The following PAWR variants were observed in gnomAD, a reference collection of about 807,000 sequenced individuals.
The protein encoded by PAWR is pro-apoptotic WT1 regulator.
PAWR carries 23 observed loss-of-function variants against 32.0 expected under a neutral mutation model. The ratio of observed to expected loss-of-function variants is 0.72; its 90% CI spans 0.52 to 1.02. The LOEUF is 1.02. PAWR is among the 50% of genes least tolerant of loss of function. PAWR has a pLI of 0.00. For synonymous variants in PAWR, 226 were observed against 187.1 expected (o/e 1.21, Z -1.70); for missense variants, 457 against 437.7 (o/e 1.04, Z -0.39).
chr12:79,625,494 G>GGAA (rs1233684687), intron 2 of PAWR, among the ~76,000 whole-genome samples: 4 of 152,036 alleles, frequency 2.6e-5, no homozygotes, highest in African/African-American at 9.7e-5. Flanking sequence ...AAGTAACAGA[G>GGAA]GAAGAATTAA....
intron 2 of PAWR, among the ~76,000 whole-genome samples, chr12:79,686,570 T>C (rs1490994479): frequency 1.3e-5 from 2 of 152,174 alleles, no homozygotes; most frequent in African/African-American, 2.4e-5. Context: ...CGGAATTGAA[T>C]TAGCATGAGC....
chr12:79,626,163 TAAAAA>T (rs565157190), intron 2 of PAWR, among the ~76,000 whole-genome samples: 12 of 82,130 alleles, frequency 1.5e-4, no homozygotes, highest in African/African-American at 3.9e-4. Flanking sequence ...GACTCCATCT[TAAAAA>T]AAAAAAAAAA....
At chr12:79,627,275 C>T (rs7953362) in intron 2 of PAWR, among the ~76,000 whole-genome samples, 29,428 of 151,294 alleles carry the variant, frequency 0.19, 7,433 homozygotes, top group African/African-American at 0.59. Context: ...TTTTAATGAT[C>T]GCCATTCTAA....
intron 2 of PAWR, among the ~76,000 whole-genome samples, chr12:79,638,660 C>A (rs1354479972): frequency 1.3e-5 from 2 of 151,112 alleles, no homozygotes; most frequent in Admixed American, 1.3e-4. Context: ...ATTGCAACAA[C>A]GGCAGTGGGT....
intron 4 of PAWR, among the ~76,000 whole-genome samples, chr12:79,608,551 T>C (rs1373642782): frequency 6.6e-6 from 1 of 152,150 alleles, no homozygotes; most frequent in East Asian, 1.9e-4. Flanking sequence ...CAGGTAGCAG[T>C]CCACACCCTG....
rs372731583 is a variant in PAWR, at chr12:79,586,133, C to A, written c.*6474G>T. 1 of 152,162 alleles carries A rather than the reference C, an allele frequency of 6.6e-6. No homozygotes were observed. Among genetic ancestry groups the A allele is most frequent in the Admixed American group, 6.5e-5 (1 of 15,284 alleles). The allele number at this position is 152,162 out of a possible 1,614,324, so 9.4% of individuals were successfully genotyped here. On this transcript the variant is annotated 3_prime_UTR_variant, in exon 7 of 7. Transcript: ENST00000328827. ...GATGTTGTTTATTGTCCTAAGCCATCCATACACAAAACGTTTAATGTGTTA... is the reference window on the plus strand; with the variant it reads ...GATGTTGTTTATTGTCCTAAGCCATACATACACAAAACGTTTAATGTGTTA...
At chr12:79,664,206 G>T (rs942581291) in intron 2 of PAWR, among the ~76,000 whole-genome samples, 1 of 152,002 alleles carries the variant, frequency 6.6e-6, no homozygotes, top group Non-Finnish European at 1.5e-5. Context: ...ACCACTTCAA[G>T]GGTTGAGACT....
At chr12:79,646,073 G>GT (rs1375420116) in intron 2 of PAWR, among the ~76,000 whole-genome samples, 1 of 151,988 alleles carries the variant, frequency 6.6e-6, no homozygotes, top group Non-Finnish European at 1.5e-5. Flanking sequence ...TCGGATTTGT[G>GT]TTTTTTTCAG....
Position 79,590,955 on chromosome 12 carries a change from G to A in PAWR, c.*1652C>T, listed in dbSNP as rs1348324929. 6.6e-6 allele frequency: 1 copy of A among 152,148 alleles called. No homozygotes were observed. The highest frequency in any genetic ancestry group is 1.5e-5 in the Non-Finnish European group (1 of 68,016). The allele number at this position is 152,148 out of a possible 1,614,324, so 9.4% of individuals were successfully genotyped here. A position where few individuals can be genotyped will look rare whatever the true frequency, so the allele number is the denominator to read the frequency against. ...GTTAATTATTAAATAAACTAAAAGG[G>A]GAGAAATGCTGATAGATAAAATTAT... is the stretch of plus-strand genomic sequence containing the variant. On this transcript the variant is annotated 3_prime_UTR_variant, in exon 7 of 7. Transcript: ENST00000328827.
chr12:79,623,240 G>GA (rs994152290), intron 2 of PAWR, among the ~76,000 whole-genome samples: 20 of 148,958 alleles, frequency 1.3e-4, no homozygotes, highest in South Asian at 2.1e-4. Flanking sequence ...GTCCTTATTA[G>GA]AAAAAAAAAA....
intron 4 of PAWR, among the ~76,000 whole-genome samples, chr12:79,602,574 A>G (rs1032253534): frequency 3.3e-5 from 5 of 151,462 alleles, no homozygotes; most frequent in African/African-American, 1.2e-4. Flanking sequence ...GCAAGATGGG[A>G]AAAAAAAATA....
intron 2 of PAWR, among the ~76,000 whole-genome samples, chr12:79,638,964 G>A (rs1219652941): frequency 8.2e-6 from 1 of 121,720 alleles, no homozygotes; most frequent in Non-Finnish European, 1.6e-5. Flanking sequence ...CCAGGCTGGA[G>A]TGCAGTGGCA....
intron 2 of PAWR, among the ~76,000 whole-genome samples, chr12:79,639,833 C>CTATTCCTATTCCT: frequency 7.8e-6 from 1 of 127,506 alleles, no homozygotes; most frequent in Non-Finnish European, 1.5e-5. Flanking sequence ...TTTCCTTTTC[C>CTATTCCTATTCCT]ATTCCTATTC....
At position 79,586,532 on chromosome 12, in the gene PAWR, G is replaced by A. The variant is rs930555130; in HGVS notation, c.*6075C>T. The A allele has an allele frequency of 4.6e-5, 7 of 152,278 alleles. No homozygotes were observed. The highest frequency in any genetic ancestry group is 1.7e-4 in the African/African-American group (7 of 41,562). The allele number at this position is 152,278 out of a possible 1,614,324, so 9.4% of individuals were successfully genotyped here. On this transcript the variant is annotated 3_prime_UTR_variant, in exon 7 of 7. Transcript: ENST00000328827. ...ACAATGTAAATATTGTGCATTTCAAGTTCCATAGTGTGTCTAACCAGGGAT... is the reference window on the plus strand; with the variant it reads ...ACAATGTAAATATTGTGCATTTCAAATTCCATAGTGTGTCTAACCAGGGAT...
intron 2 of PAWR, among the ~76,000 whole-genome samples, chr12:79,643,385 T>G (rs1182234185): frequency 6.6e-6 from 1 of 152,138 alleles, no homozygotes; most frequent in Non-Finnish European, 1.5e-5. Flanking sequence ...ACAAACTTCT[T>G]ATCAAGGCTT....
chr12:79,637,430 C>A (rs1419992891), intron 2 of PAWR, among the ~76,000 whole-genome samples: 1 of 151,622 alleles, frequency 6.6e-6, no homozygotes, highest in Admixed American at 6.6e-5. Flanking sequence ...CTAGCATATA[C>A]CATTCTGTCA....
At chr12:79,689,633 G>C in intron 2 of PAWR, 96 bp downstream of exon 2, 12 of 1,376,472 alleles carry the variant, frequency 8.7e-6, no homozygotes, top group Non-Finnish European at 1.2e-5. Flanking sequence ...AGCCAGGGGA[G>C]GTAAACTCTG....
intron 4 of PAWR, among the ~76,000 whole-genome samples, chr12:79,608,078 A>G (rs1363569103): frequency 6.6e-6 from 1 of 151,952 alleles, no homozygotes; most frequent in Non-Finnish European, 1.5e-5. Flanking sequence ...ATAAAGTTCC[A>G]TCTAGGAAAA....
chr12:79,679,403 CA>C (rs35911603), intron 2 of PAWR, among the ~76,000 whole-genome samples: 53 of 151,392 alleles, frequency 3.5e-4, no homozygotes, highest in Non-Finnish European at 5.9e-4. Flanking sequence ...GACACTGGTA[CA>C]AAAAAAAGGT....
Sources: allele counts gnomAD v4.1 joint callset (sites outside exome capture counted in the v4.1 genomes callset), GRCh38; gene constraint gnomAD v4.1.1; transcripts MANE v1.5; gene names NCBI Gene and HGNC (gene_info 2026-07-23, HGNC 2026-07-21).